NTNG1: variants seen among roughly 807,000 people sequenced by gnomAD.
The protein encoded by NTNG1 is netrin G1, also known as netrin-G1.
NTNG1 carries 16 observed loss-of-function variants against 54.0 expected under a neutral mutation model. The observed-to-expected ratio is 0.30, with a 90% CI of 0.20 to 0.45. The LOEUF is 0.45. Ranked by LOEUF, NTNG1 falls within the 20% of genes least tolerant of loss-of-function variation. NTNG1 has a pLI of 1.00. For synonymous variants in NTNG1, 255 were observed against 263.1 expected, an observed-to-expected ratio of 0.97 and a Z score of 0.30; for missense variants, 530 against 678.7, an observed-to-expected ratio of 0.78 and a Z score of 2.43.
intron 2 of NTNG1, chr1:107,261,058 G>A (rs940878041): frequency 1.4e-4 from 21 of 152,214 alleles, no homozygotes; most frequent in African/African-American, 4.8e-4. Flanking sequence ...ATGGATCAGA[G>A]CCCAGAGAAG....
chr1:107,227,752 C>T (rs554663399), intron 2 of NTNG1, among the ~76,000 whole-genome samples: 1 of 151,956 alleles, frequency 6.6e-6, no homozygotes, highest in Admixed American at 6.6e-5. Context: ...ATTTTTTCAG[C>T]CCTGAAACCT....
chr1:107,152,706 T>G (rs1329030576), intron 2 of NTNG1, among the ~76,000 whole-genome samples: 1 of 152,146 alleles, frequency 6.6e-6, no homozygotes, highest in African/African-American at 2.4e-5. Context: ...TATTAAAAAG[T>G]CTTCTGTGCA....
At chr1:107,191,815 G>C (rs1225644138) in intron 2 of NTNG1, among the ~76,000 whole-genome samples, 1 of 151,946 alleles carries the variant, frequency 6.6e-6, no homozygotes, top group Non-Finnish European at 1.5e-5. Flanking sequence ...GTACCATGCT[G>C]TTTTGGTTAC....
chr1:107,421,209 G>A, intron 5 of NTNG1: 1 of 1,104,790 alleles, frequency 9.1e-7, no homozygotes, highest in Non-Finnish European at 1.4e-6. Context: ...TGCACTGTAT[G>A]AATCTGGAAT....
At chr1:107,307,560 C>T (rs1202376629) in intron 2 of NTNG1, among the ~76,000 whole-genome samples, 1 of 152,188 alleles carries the variant, frequency 6.6e-6, no homozygotes, top group Non-Finnish European at 1.5e-5. Context: ...AAAGAATTCA[C>T]AGAGGGCTGG....
At chr1:107,446,458 G>C (rs1159055043) in intron 7 of NTNG1, among the ~76,000 whole-genome samples, 1 of 152,052 alleles carries the variant, frequency 6.6e-6, no homozygotes, top group Non-Finnish European at 1.5e-5. Flanking sequence ...TCAGCAAAAA[G>C]CTCTATTTAG....
At chr1:107,313,606 G>T (rs1203675747) in intron 2 of NTNG1, among the ~76,000 whole-genome samples, 1 of 152,000 alleles carries the variant, frequency 6.6e-6, no homozygotes, top group East Asian at 1.9e-4. Flanking sequence ...GAAGACCACG[G>T]GTGCACATTG....
chr1:107,387,344 T>C (rs1672073444), intron 3 of NTNG1, among the ~76,000 whole-genome samples: 1 of 152,198 alleles, frequency 6.6e-6, no homozygotes. Context: ...AGGGCTTGCA[T>C]AAGCCTCAGC....
intron 2 of NTNG1, among the ~76,000 whole-genome samples, chr1:107,241,484 G>C (rs538705764): frequency 6.6e-6 from 1 of 152,104 alleles, no homozygotes; most frequent in Non-Finnish European, 1.5e-5. Context: ...CATTGTGATA[G>C]GATATTAGTA....
At chr1:107,160,592 T>C (rs2101052830) in intron 2 of NTNG1, among the ~76,000 whole-genome samples, 1 of 152,214 alleles carries the variant, frequency 6.6e-6, no homozygotes, top group East Asian at 1.9e-4. Flanking sequence ...TCTCAGCCAG[T>C]CTGACCCTTT....
chr1:107,285,474 T>C (rs549402879), intron 2 of NTNG1, among the ~76,000 whole-genome samples: 1 of 152,252 alleles, frequency 6.6e-6, no homozygotes, highest in Admixed American at 6.6e-5. Context: ...ACAAGGATTA[T>C]TGAGAGCTAA....
At chr1:107,353,795 T>C (rs553069709) in intron 3 of NTNG1, among the ~76,000 whole-genome samples, 3 of 152,342 alleles carry the variant, frequency 2.0e-5, no homozygotes, top group African/African-American at 4.8e-5. Context: ...TTCCACAGGC[T>C]GTACAGGAAG....
chr1:107,324,631 A>G lies in NTNG1; in HGVS notation c.596A>G (p.His199Arg), dbSNP rs1248925488. ...DPKSVKDLSQHTVLEIICTEE... is the reference protein window; with the variant it reads ...DPKSVKDLSQRTVLEIICTEE... The stretch of plus-strand genomic sequence containing the variant: ...AAATCCGTGAAGGATTTATCACAGC[A>G]TACGGTCTTAGAAATCATTTGCACA... Residue 199 changes from histidine to arginine, a missense_variant, in exon 3 of 8, where the codon CAT (histidine) becomes CGT (arginine). His to Arg is a conservative substitution (Grantham distance 29). This residue lies in a region of NTNG1 where 318 missense variants were observed against 465.1 expected (regional missense o/e 0.68). Coordinates refer to ENST00000370068, the MANE Select transcript of NTNG1 (RefSeq NM_001113226.3). The G allele has an allele frequency of 6.2e-7, 1 of 1,613,740 alleles. No homozygotes were observed.
chr1:107,451,466 C>CA (rs1478328353), intron 7 of NTNG1, among the ~76,000 whole-genome samples: 6 of 152,050 alleles, frequency 3.9e-5, no homozygotes, highest in African/African-American at 1.4e-4. Context: ...ATAACCTCCA[C>CA]AGAGTAAAGA....
At chr1:107,480,573 C>CCCCCCCCCCCCCCCCCCCCCAAA in intron 7 of NTNG1, 38 bp from the exon 8 acceptor site, 1 of 559,904 alleles carries the variant, frequency 1.8e-6, no homozygotes, top group East Asian at 3.1e-5. Flanking sequence ...TTCTCCTCCC[C>CCCCCCCCCCCCCCCCCCCCCAAA]GCGCCCACCC....
chr1:107,162,157 C>A (rs993484405), intron 2 of NTNG1, among the ~76,000 whole-genome samples: 1 of 151,812 alleles, frequency 6.6e-6, no homozygotes, highest in Non-Finnish European at 1.5e-5. Flanking sequence ...CAAGAAATAT[C>A]CTTGCACCAA....
intron 5 of NTNG1, chr1:107,409,800 C>T (rs1673678627): frequency 6.6e-6 from 1 of 152,140 alleles, no homozygotes; most frequent in Non-Finnish European, 1.5e-5. Context: ...GACTAGCTTA[C>T]CTGTTTCCTG....
At chr1:107,143,819 CT>C (rs1356590686) in intron 1 of NTNG1, among the ~76,000 whole-genome samples, 1 of 152,068 alleles carries the variant, frequency 6.6e-6, no homozygotes, top group Non-Finnish European at 1.5e-5. Context: ...CTAGGCTTAA[CT>C]GATTCTGAAA....
intron 7 of NTNG1, among the ~76,000 whole-genome samples, chr1:107,453,191 TA>T (rs1315500602): frequency 6.6e-6 from 1 of 152,248 alleles, no homozygotes; most frequent in Non-Finnish European, 1.5e-5. Context: ...ATTAGAATTT[TA>T]TTTTTTTTGT....
Sources: gnomAD v4.1 joint callset for allele counts (sites outside exome capture counted in the v4.1 genomes callset) on GRCh38, gnomAD v4.1.1 for gene constraint, gnomAD v4.1.1 regional missense constraint, MANE v1.5 for transcripts, NCBI Gene and HGNC (gene_info 2026-07-23, HGNC 2026-07-21) for gene names.